The following PASK variants were observed in gnomAD, a reference collection of about 807,000 sequenced individuals.
PASK encodes the protein PAS domain-containing serine/threonine-protein kinase.
In PASK, 110 loss-of-function variants were observed where a neutral mutation model predicts 121.0. That is an observed-to-expected ratio of 0.91 (90% confidence interval 0.78 to 1.06). The LOEUF is 1.06. Ranked by LOEUF, PASK falls within the 50% of genes least tolerant of loss-of-function variation. PASK has a pLI of 0.00. For missense variants in PASK, 1,643 were observed against 1,702.3 expected (o/e 0.97, Z 0.61); for synonymous variants, 686 against 717.8 (o/e 0.96, Z 0.71).
intron 2 of PASK, 94 bp downstream of exon 2, chr2:241,142,743 T>A: frequency 1.0e-6 from 1 of 993,890 alleles, no homozygotes; most frequent in Non-Finnish European, 1.6e-6. Context: ...TAGAGTGACT[T>A]CAATCCCTGG....
At chr2:241,147,942 G>A (rs940496810) in intron 1 of PASK, among the ~76,000 whole-genome samples, 5 of 152,156 alleles carry the variant, frequency 3.3e-5, no homozygotes, top group African/African-American at 1.2e-4. Flanking sequence ...GTCCACGTGG[G>A]CCAGTTTGTC....
At chr2:241,122,665 TG>T in intron 12 of PASK, 66 bp downstream of exon 12, 2 of 1,486,602 alleles carry the variant, frequency 1.3e-6, no homozygotes, top group Non-Finnish European at 1.9e-6. Flanking sequence ...GTTTGAGAAC[TG>T]GGACCAAAAG....
At position 241,112,463 on chromosome 2, in the gene PASK, G is replaced by A. The variant is rs747574047; in HGVS notation, c.3334-24C>T. 2 of 1,549,900 alleles carry A rather than the reference G, an allele frequency of 1.3e-6. No individual in the cohort carries two copies. The highest frequency in any genetic ancestry group is 1.1e-5 in the South Asian group (1 of 87,134). ...AGCTGGAATCAGGAGGCCAGAGGGG[G>A]CTTTTTAAAAAAGCAATTCAACTAA... On this transcript the variant is annotated intron_variant, in intron 14 of 17. Transcript: ENST00000234040. The surrounding 1 kb of genome is among the most constrained non-coding windows in gnomAD (Gnocchi z 5.2).
intron 12 of PASK, among the ~76,000 whole-genome samples, chr2:241,120,625 A>G (rs2065566999): frequency 6.6e-6 from 1 of 152,220 alleles, no homozygotes; most frequent in South Asian, 2.1e-4. Flanking sequence ...AACCACAGTG[A>G]GCTACCCCTT....
chr2:241,109,479 C>T (rs1575219633), intron 15 of PASK: 1 of 150,010 alleles, frequency 6.7e-6, no homozygotes, highest in African/African-American at 2.5e-5. Flanking sequence ...AGAGAAACCA[C>T]AGCAGTGAGA....
rs1277219458 is a variant in PASK, at chr2:241,143,002, C to T, written c.31G>A (p.Glu11Lys). Residue 11 changes from glutamate to lysine, a missense_variant, in exon 2 of 18, where the codon GAG becomes AAG. Physicochemically the swap from Glu to Lys is moderately conservative, Grantham distance 56. Around this residue, in one of 3 missense-constraint regions of PASK, gnomAD observed 1,176 missense variants for 1,162.2 expected, o/e 1.01. Transcript: ENST00000234040. ...CTCTGGGAAAGGCATCTCTGGTCCT[C>T]TTCAAAGGCTGTTAAGCCCCCGTCC... MEDGGLTAFE[E>K]DQRCLSQSLP... 2 of 1,614,036 alleles carry T rather than the reference C, an allele frequency of 1.2e-6. No individual in the cohort carries two copies. Among genetic ancestry groups the T allele is most frequent in the Non-Finnish European group, 8.5e-7 (1 of 1,180,016 alleles).
upstream of PASK, chr2:241,149,825 T>C: frequency 6.6e-7 from 1 of 1,519,522 alleles, no homozygotes; most frequent in Non-Finnish European, 8.8e-7. Context: ...GCGTCCGCAC[T>C]GGGCTGGGAA....
intron 12 of PASK, among the ~76,000 whole-genome samples, chr2:241,121,299 T>C (rs527469908): frequency 1.3e-5 from 2 of 152,230 alleles, no homozygotes; most frequent in Non-Finnish European, 2.9e-5. Flanking sequence ...TAAAATCTAC[T>C]GAACTGTTCA....
Position 241,140,591 on chromosome 2 carries a change from G to A in PASK, c.359C>T (p.Ser120Leu). The change falls in exon 3 of 18, where the codon TCA (serine) becomes TTA (leucine). Residue 120 changes from serine (S) to leucine (L), a missense_variant. Ser to Leu is a moderately radical substitution (Grantham distance 145, BLOSUM62 -2). Coordinates refer to ENST00000234040, the MANE Select transcript of PASK (RefSeq NM_015148.4). ...LLRGLSSGWS[S>L]PLLPAPVCNP... is the part of the protein sequence containing the mutation. ...GCACACAGGGGCCGGAAGCAGAGGTGAGGACCACCCTGAGGACAGTCCCCG... is the reference window on the plus strand; with the variant it reads ...GCACACAGGGGCCGGAAGCAGAGGTAAGGACCACCCTGAGGACAGTCCCCG... The A allele has an allele frequency of 1.9e-6, 3 of 1,614,120 alleles. No individual in the cohort carries two copies. Among genetic ancestry groups the A allele is most frequent in the Non-Finnish European group, 2.5e-6 (3 of 1,180,006 alleles).
In PASK at chr2:241,140,555, T is replaced by C; in HGVS notation, c.395A>G (p.Lys132Arg). The change falls in exon 3 of 18, where the codon AAG becomes AGG. Residue 132 changes from lysine (K) to arginine (R), a missense_variant. Physicochemically the swap from Lys to Arg is conservative, Grantham distance 26 (BLOSUM62 2). Transcript: ENST00000234040. Reference sequence around the variant, plus strand: ...CTTGGCATCCACCGTGAAGATGGCCTTGTTAGGGTTGCACACAGGGGCCGG... The same window carrying C: ...CTTGGCATCCACCGTGAAGATGGCCCTGTTAGGGTTGCACACAGGGGCCGG... ...LLPAPVCNPN[K>R]AIFTVDAKTT... 1.9e-6 allele frequency: 3 copies of C among 1,613,452 alleles called. No individual in the cohort carries two copies. The highest frequency in any genetic ancestry group is 3.3e-4 in the Middle Eastern group (2 of 6,062).
chr2:241,133,078 T>C (rs2066242556), intron 8 of PASK, 48 bp from the exon 9 acceptor site: 2 of 1,586,860 alleles, frequency 1.3e-6, no homozygotes, highest in Non-Finnish European at 1.7e-6. Context: ...AGGCACTCCC[T>C]AAAACGAATC....
chr2:241,129,175 G>A (rs563001336), intron 9 of PASK, among the ~76,000 whole-genome samples: 28 of 152,224 alleles, frequency 1.8e-4, no homozygotes, highest in African/African-American at 2.9e-4. Context: ...TGCACACCAC[G>A]AGGGTCTCAC....
Position 241,136,986 on chromosome 2 carries a change from C to T in PASK, c.1137+18G>A, listed in dbSNP as rs201473423. 26 of 1,610,504 alleles carry T rather than the reference C, an allele frequency of 1.6e-5. No individual in the cohort carries two copies. The Admixed American group carries it at 2.2e-4, about 13-fold the overall frequency. The stretch of plus-strand genomic sequence containing the variant: ...TTCCTCCCAGGGAACGGGAGCCAGG[C>T]GCCCAGGGCAGCCCCACCTTGCCCA... On this transcript the variant is annotated intron_variant, in intron 7 of 17. Coordinates refer to ENST00000234040, the MANE Select transcript of PASK (RefSeq NM_015148.4).
rs781032414 is a variant in PASK, at chr2:241,126,658, C to T, written c.2257G>A (p.Asp753Asn). 3 of 1,614,100 alleles carry T rather than the reference C, an allele frequency of 1.9e-6. No individual in the cohort carries two copies. The highest frequency in any genetic ancestry group is 2.2e-5 in the East Asian group (1 of 44,892). Residue 753 changes from aspartate to asparagine, a missense_variant, in exon 10 of 18, where the codon GAC (aspartate) becomes AAC (asparagine). This residue lies in a region of PASK where 1,176 missense variants were observed against 1,162.2 expected (regional missense o/e 1.01). Coordinates refer to ENST00000234040, the MANE Select transcript of PASK (RefSeq NM_015148.4). Reference protein sequence around the residue: ...LKELFFSDQTDQTSSNCSCAT... With the variant: ...LKELFFSDQTNQTSSNCSCAT... ...CAGGAACAATTTGATGACGTTTGGT[C>T]TGTCTGGTCACTGAAAAAGAGTTCC...
chr2:241,122,500 G>A (rs918354428), intron 12 of PASK, among the ~76,000 whole-genome samples: 1 of 152,210 alleles, frequency 6.6e-6, no homozygotes, highest in African/African-American at 2.4e-5. Flanking sequence ...CCTGAGCCTG[G>A]CCTGTTCGAG....
intron 1 of PASK, chr2:241,145,875 T>C (rs1395256434): frequency 6.8e-6 from 1 of 148,010 alleles, no homozygotes; most frequent in Non-Finnish European, 1.5e-5. Context: ...CAGGTGGAGG[T>C]TGCAATGAGC....
intron 9 of PASK, among the ~76,000 whole-genome samples, chr2:241,129,748 T>C (rs916512185): frequency 3.3e-5 from 5 of 152,346 alleles, no homozygotes; most frequent in South Asian, 4.1e-4. Context: ...CTGGCCAGCA[T>C]GCAGTCAGGG....
At chr2:241,113,625 A>G (rs1028643853) in intron 14 of PASK, 27 of 690,572 alleles carry the variant, frequency 3.9e-5, no homozygotes, top group African/African-American at 3.9e-4. Context: ...GACAGAAATC[A>G]CACATGAACT....
chr2:241,138,005 G>A lies in PASK; in HGVS notation c.824C>T (p.Thr275Ile). The stretch of plus-strand genomic sequence containing the variant: ...GAGCTGCACAGAAGGGATCAGGTCT[G>A]TGATATGCTGCCCAGCCACGTCCTC... The part of the protein sequence containing the change: ...SGEDVAGQHI[T>I]DLIPSVQLPP... The change falls in exon 6 of 18, where the codon ACA becomes ATA. Residue 275 changes from threonine (T) to isoleucine (I), a missense_variant. By Grantham distance (89) the Thr-to-Ile change is moderately conservative. Transcript: ENST00000234040. The A allele has an allele frequency of 5.0e-6, 8 of 1,614,208 alleles. No individual in the cohort carries two copies. Among genetic ancestry groups the A allele is most frequent in the Non-Finnish European group, 5.9e-6 (7 of 1,179,998 alleles).
Sources: gnomAD v4.1 joint callset for allele counts (sites outside exome capture counted in the v4.1 genomes callset) on GRCh38, gnomAD v4.1.1 for gene constraint, gnomAD v4.1.1 regional missense constraint, Gnocchi (gnomAD v3.1) non-coding constraint, MANE v1.5 for transcripts, NCBI Gene and HGNC (gene_info 2026-07-23, HGNC 2026-07-21) for gene names.